The following AXDND1 variants were observed in gnomAD, a reference collection of about 807,000 sequenced individuals.
The protein encoded by AXDND1 is axonemal dynein light chain domain-containing protein 1.
AXDND1 carries 110 observed loss-of-function variants against 137.5 expected under a neutral mutation model. That is an observed-to-expected ratio of 0.80 (90% CI 0.69 to 0.94). The LOEUF (loss-of-function observed/expected upper bound fraction) is 0.94, where lower values mean the gene tolerates loss of function less well. Ranked by LOEUF, AXDND1 falls within the 40% of genes least tolerant of loss-of-function variation. The pLI is 0.00. For missense variants in AXDND1, 1,191 were observed against 1,169.8 expected (o/e 1.02, Z -0.26); for synonymous variants, 414 against 399.7 (o/e 1.04, Z -0.43).
chr1:179,536,552 T>C (rs563940006), intron 25 of AXDND1, among the ~76,000 whole-genome samples: 1 of 152,280 alleles, frequency 6.6e-6, no homozygotes, highest in South Asian at 2.1e-4. Context: ...GAGGCCTCTG[T>C]TCTGTTCCGT....
At chr1:179,404,145 T>C (rs1215312229) in intron 11 of AXDND1, among the ~76,000 whole-genome samples, 6 of 152,158 alleles carry the variant, frequency 3.9e-5, no homozygotes, top group Non-Finnish European at 8.8e-5. Flanking sequence ...ACGTGTATTT[T>C]ATCTATTCAT....
chr1:179,406,478 T>C (rs12565790), intron 11 of AXDND1, among the ~76,000 whole-genome samples: 1 of 152,192 alleles, frequency 6.6e-6, no homozygotes, highest in Admixed American at 6.6e-5. Context: ...ACCATTATTG[T>C]ATTAGCTTCC....
In AXDND1 at chr1:179,449,988, A is replaced by ATTCTTTTTTTT. The variant is rs1571882821; in HGVS notation, c.1798+4786_1798+4787insCTTTTTTTTTT. On this transcript the variant is annotated intron_variant, in intron 16 of 25. Transcript: ENST00000367618. ...TTTTACTAGTTTCTTGCCAATCTGG[A>ATTCTTTTTTTT]TTTTTTTTTTTTTTTTTTTTTTTTT... 2.9e-4 allele frequency: 19 copies of ATTCTTTTTTTT among 65,354 alleles called. 4 individuals are homozygous for ATTCTTTTTTTT. The highest frequency in any genetic ancestry group is 8.0e-4 in the Admixed American group (4 of 4,976). The allele number at this position is 65,354 out of a possible 1,614,324, so 4.0% of individuals were successfully genotyped here. A position where few individuals can be genotyped will look rare whatever the true frequency, so the allele number is the denominator to read the frequency against.
intron 17 of AXDND1, among the ~76,000 whole-genome samples, chr1:179,479,738 C>T (rs1665121933): frequency 6.6e-6 from 1 of 152,124 alleles, no homozygotes; most frequent in South Asian, 2.1e-4. Context: ...GATCGCACCA[C>T]TGCACTTTAG....
chr1:179,407,791 C>T (rs1653211182), intron 11 of AXDND1, among the ~76,000 whole-genome samples: 1 of 152,148 alleles, frequency 6.6e-6, no homozygotes, highest in Admixed American at 6.5e-5. Flanking sequence ...GTCTTTATCT[C>T]TTGCAAGATT....
chr1:179,419,524 G>A (rs1346999400), intron 12 of AXDND1, among the ~76,000 whole-genome samples: 1 of 150,200 alleles, frequency 6.7e-6, no homozygotes, highest in Non-Finnish European at 1.5e-5. Flanking sequence ...TGAGGCAGGA[G>A]AATCAGGCAG....
At chr1:179,519,699 C>T (rs531809991) in intron 21 of AXDND1, among the ~76,000 whole-genome samples, 9 of 152,010 alleles carry the variant, frequency 5.9e-5, no homozygotes, top group African/African-American at 1.7e-4. Context: ...GATGGTTTGT[C>T]GGTGTGAAGT....
At chr1:179,480,988 AT>A (rs1277123719) in intron 17 of AXDND1, among the ~76,000 whole-genome samples, 2 of 114,668 alleles carry the variant, frequency 1.7e-5, no homozygotes, top group African/African-American at 5.6e-5. Flanking sequence ...TATTTTATAT[AT>A]TTTTTTAATT....
At chr1:179,440,778 T>C (rs527406689) in intron 15 of AXDND1, among the ~76,000 whole-genome samples, 2 of 152,344 alleles carry the variant, frequency 1.3e-5, no homozygotes, top group South Asian at 4.1e-4. Context: ...TAAAAATAAA[T>C]TCAGCAGTTC....
intron 4 of AXDND1, among the ~76,000 whole-genome samples, chr1:179,376,199 T>G (rs537407561): frequency 6.6e-6 from 1 of 152,338 alleles, no homozygotes; most frequent in East Asian, 1.9e-4. Flanking sequence ...TTTCAACAAT[T>G]TTATTCTTCA....
Position 179,492,965 on chromosome 1 carries a change from C to T in AXDND1, c.2388+14C>T. 2 of 1,534,466 alleles carry T rather than the reference C, an allele frequency of 1.3e-6. No individual in the cohort carries two copies. Among genetic ancestry groups the T allele is most frequent in the Non-Finnish European group, 1.8e-6 (2 of 1,129,896 alleles). Reference sequence around the variant, plus strand: ...GATAAGTTGAAGGTAATAACTCTGTCTTCCCCTTAGTTTTGTTTTTGTTTT... The same window carrying T: ...GATAAGTTGAAGGTAATAACTCTGTTTTCCCCTTAGTTTTGTTTTTGTTTT... On this transcript the variant is annotated intron_variant, in intron 20 of 25. Coordinates refer to ENST00000367618, the MANE Select transcript of AXDND1 (RefSeq NM_144696.6).
chr1:179,403,909 C>G (rs1193265785), intron 11 of AXDND1, among the ~76,000 whole-genome samples: 2 of 152,100 alleles, frequency 1.3e-5, no homozygotes, highest in Non-Finnish European at 2.9e-5. Context: ...TTTGAGCTCA[C>G]TGCAATAGCA....
intron 23 of AXDND1, among the ~76,000 whole-genome samples, chr1:179,532,447 C>T (rs1034462781): frequency 6.6e-5 from 10 of 152,076 alleles, no homozygotes; most frequent in African/African-American, 2.2e-4. Flanking sequence ...GTGTGCCAGG[C>T]GGGCACAGCC....
At position 179,554,594 on chromosome 1, in the gene AXDND1, C is replaced by A. The variant is rs1035448936; in HGVS notation, c.*75C>A. 2.6e-5 allele frequency: 41 copies of A among 1,606,272 alleles called. No homozygotes were observed. Among genetic ancestry groups the A allele is most frequent in the Non-Finnish European group, 3.4e-5 (40 of 1,173,062 alleles). On this transcript the variant is annotated 3_prime_UTR_variant, in exon 26 of 26. Coordinates refer to ENST00000367618, the MANE Select transcript of AXDND1 (RefSeq NM_144696.6). Reference sequence around the variant, plus strand: ...CAGGTGGGAGGAGAGCATGCCTAAACCCTGGTGGCCATTGTTCTGTACTAA... The same window carrying A: ...CAGGTGGGAGGAGAGCATGCCTAAAACCTGGTGGCCATTGTTCTGTACTAA...
At chr1:179,418,594 A>G (rs1295128643) in intron 12 of AXDND1, among the ~76,000 whole-genome samples, 6 of 150,440 alleles carry the variant, frequency 4.0e-5, no homozygotes, top group African/African-American at 1.5e-4. Context: ...CACCTCCCGG[A>G]CGGGGCGGCT....
chr1:179,424,693 G>T (rs1395343167), intron 12 of AXDND1, among the ~76,000 whole-genome samples: 6 of 151,924 alleles, frequency 3.9e-5, no homozygotes, highest in African/African-American at 1.5e-4. Context: ...GCCTCCCAAA[G>T]TGCTAGGATT....
At chr1:179,440,539 G>A (rs890725880) in intron 15 of AXDND1, among the ~76,000 whole-genome samples, 6 of 152,212 alleles carry the variant, frequency 3.9e-5, no homozygotes, top group Non-Finnish European at 5.9e-5. Flanking sequence ...AGTAGGACTG[G>A]CTTGTATTAT....
At chr1:179,494,021 G>A (rs1572073141) in intron 20 of AXDND1, among the ~76,000 whole-genome samples, 1 of 151,974 alleles carries the variant, frequency 6.6e-6, no homozygotes, top group East Asian at 1.9e-4. Flanking sequence ...GCATGATCTT[G>A]GCTCACTGCA....
chr1:179,372,358 A>G (rs1296438632), intron 4 of AXDND1, among the ~76,000 whole-genome samples: 3 of 152,198 alleles, frequency 2.0e-5, no homozygotes, highest in African/African-American at 7.2e-5. Flanking sequence ...GGTATGAGGA[A>G]GTACCTGTGC....
Sources: gnomAD v4.1 joint callset for allele counts (sites outside exome capture counted in the v4.1 genomes callset) on GRCh38, gnomAD v4.1.1 for gene constraint, MANE v1.5 for transcripts, NCBI Gene and HGNC (gene_info 2026-07-23, HGNC 2026-07-21) for gene names.